Variants in SLC9C2 observed in about 807,000 individuals in gnomAD.
SLC9C2 encodes solute carrier family 9 member C2 (putative), also known as sodium/hydrogen exchanger 11.
SLC9C2 carries 75 observed loss-of-function variants against 140.2 expected under a neutral mutation model. That is an observed-to-expected ratio of 0.53 (90% CI 0.44 to 0.65). The LOEUF (loss-of-function observed/expected upper bound fraction) is 0.65. Ranked by LOEUF, SLC9C2 falls within the 30% of genes least tolerant of loss-of-function variation. SLC9C2 has a pLI of 0.00. For missense variants in SLC9C2, 1,074 were observed against 1,331.8 expected, an observed-to-expected ratio of 0.81 and a Z score of 3.01; for synonymous variants, 375 against 420.9, an observed-to-expected ratio of 0.89 and a Z score of 1.34.
chr1:173,504,481 C>A (rs12078576), intron 26 of SLC9C2, among the ~76,000 whole-genome samples: 9,036 of 152,114 alleles, frequency 0.059, 886 homozygotes, highest in African/African-American at 0.2. Context: ...AATCCTCCCC[C>A]CAAAGCAACA....
In SLC9C2 at chr1:173,524,784, T is replaced by A; in HGVS notation, c.2509A>T (p.Asn837Tyr). 1 of 1,613,884 alleles carries A rather than the reference T, an allele frequency of 6.2e-7. No homozygotes were observed. The highest frequency in any genetic ancestry group is 8.5e-7 in the Non-Finnish European group (1 of 1,179,820). Reference sequence around the variant, plus strand: ...ACAGAATCAAGCAAAATTACCTTATTTATCTCAATGACTTCATGCTTATCA... The same window carrying A: ...ACAGAATCAAGCAAAATTACCTTATATATCTCAATGACTTCATGCTTATCA... The part of the protein sequence containing the change: ...IIDKHEVIEI[N>Y]KVLLKKLKAL... The change falls in exon 20 of 28, where the codon AAT becomes TAT. Residue 837 changes from asparagine (N) to tyrosine (Y), a missense_variant. By Grantham distance (143) the Asn-to-Tyr change is moderately radical. Transcript: ENST00000367714.
chr1:173,594,689 T>A (rs559727559), intron 4 of SLC9C2, among the ~76,000 whole-genome samples: 131 of 152,292 alleles, frequency 8.6e-4, no homozygotes, highest in African/African-American at 3.0e-3. Flanking sequence ...TGAGAAAGGA[T>A]AATTAAAGCA....
intron 4 of SLC9C2, among the ~76,000 whole-genome samples, chr1:173,593,331 C>A (rs1666275946): frequency 6.6e-6 from 1 of 152,052 alleles, no homozygotes; most frequent in Admixed American, 6.6e-5. Flanking sequence ...ACCAGCCTGG[C>A]CAACATGGTA....
intron 13 of SLC9C2, among the ~76,000 whole-genome samples, chr1:173,546,736 CT>C (rs1662877848): frequency 6.6e-6 from 1 of 152,110 alleles, no homozygotes; most frequent in African/African-American, 2.4e-5. Context: ...AAAACATAAA[CT>C]GTAAAAATAA....
intron 24 of SLC9C2, among the ~76,000 whole-genome samples, chr1:173,508,061 CTG>C (rs1331366561): frequency 1.3e-5 from 2 of 152,060 alleles, no homozygotes; most frequent in African/African-American, 2.4e-5. Context: ...ATCTCAGTCA[CTG>C]ACAGGTGAAT....
chr1:173,580,905 A>G (rs796935896), intron 7 of SLC9C2, among the ~76,000 whole-genome samples: 5 of 152,400 alleles, frequency 3.3e-5, no homozygotes, highest in African/African-American at 1.2e-4. Flanking sequence ...AGGAACTCAC[A>G]GTCTAGTAGA....
At chr1:173,565,789 C>A (rs533002092) in intron 9 of SLC9C2, among the ~76,000 whole-genome samples, 18 of 152,216 alleles carry the variant, frequency 1.2e-4, no homozygotes, top group African/African-American at 3.6e-4. Context: ...ATCTCTAGAT[C>A]ATTTTAGATA....
At chr1:173,573,483 G>T (rs1270846794) in intron 8 of SLC9C2, among the ~76,000 whole-genome samples, 158 bp from the exon 9 acceptor site, 2 of 152,084 alleles carry the variant, frequency 1.3e-5, no homozygotes, top group Admixed American at 1.3e-4. Context: ...AATTTTGTTG[G>T]ATCTAAAAGC....
intron 11 of SLC9C2, among the ~76,000 whole-genome samples, chr1:173,550,872 A>G (rs930887232): frequency 4.5e-4 from 39 of 86,482 alleles, no homozygotes; most frequent in African/African-American, 1.7e-3. Context: ...GAGCCGTTGA[A>G]AGAGAGAGAG....
intron 8 of SLC9C2, among the ~76,000 whole-genome samples, chr1:173,575,867 C>G (rs1461857345): frequency 6.6e-6 from 1 of 152,116 alleles, no homozygotes; most frequent in Non-Finnish European, 1.5e-5. Context: ...CGTGAGCCAC[C>G]GTGCCCGGCC....
chr1:173,598,741 G>T (rs1194176530), intron 3 of SLC9C2, among the ~76,000 whole-genome samples: 1 of 152,116 alleles, frequency 6.6e-6, no homozygotes, highest in East Asian at 1.9e-4. Flanking sequence ...TTAACTCAAG[G>T]GTTAATAAGC....
chr1:173,579,764 C>A (rs935990801), intron 7 of SLC9C2, among the ~76,000 whole-genome samples: 3 of 152,128 alleles, frequency 2.0e-5, no homozygotes, highest in African/African-American at 4.8e-5. Flanking sequence ...TGGCTATATA[C>A]CTGAATGAGC....
At chr1:173,509,442 C>T in intron 24 of SLC9C2, 126 bp downstream of exon 24, 3 of 823,428 alleles carry the variant, frequency 3.6e-6, no homozygotes, top group South Asian at 3.9e-5. Context: ...GAGCCTCTGT[C>T]TCAAAAAAAA....
intron 22 of SLC9C2, among the ~76,000 whole-genome samples, chr1:173,520,031 C>T (rs1455204763): frequency 6.6e-6 from 1 of 151,966 alleles, no homozygotes; most frequent in Non-Finnish European, 1.5e-5. Flanking sequence ...TCCTGTAATC[C>T]CAGCTACTTG....
At chr1:173,561,745 A>G (rs1303502950) in intron 9 of SLC9C2, among the ~76,000 whole-genome samples, 2 of 152,058 alleles carry the variant, frequency 1.3e-5, no homozygotes, top group Non-Finnish European at 2.9e-5. Flanking sequence ...ATTGATGATC[A>G]CTGGTCCCTT....
intron 22 of SLC9C2, among the ~76,000 whole-genome samples, chr1:173,518,518 T>C (rs548448584): frequency 3.3e-5 from 5 of 152,296 alleles, no homozygotes; most frequent in African/African-American, 1.2e-4. Flanking sequence ...GAAAAGGTTT[T>C]AGGATGAACA....
chr1:173,577,973 C>T (rs1337902854), intron 7 of SLC9C2, among the ~76,000 whole-genome samples: 1 of 150,294 alleles, frequency 6.7e-6, no homozygotes, highest in African/African-American at 2.5e-5. Flanking sequence ...CTTTCAATTT[C>T]CAATTCTCTA....
At chr1:173,545,816 A>G (rs723122) in intron 13 of SLC9C2, among the ~76,000 whole-genome samples, 54,673 of 151,982 alleles carry the variant, frequency 0.36, 12,438 homozygotes, top group East Asian at 0.64. Context: ...AAGAGGTTGA[A>G]TCTATTGCCC....
chr1:173,564,171 T>TG (rs1243128924), intron 9 of SLC9C2, among the ~76,000 whole-genome samples: 1 of 152,192 alleles, frequency 6.6e-6, no homozygotes, highest in Admixed American at 6.5e-5. Flanking sequence ...AACATGGGAG[T>TG]GCAGATACTT....
Sources: allele counts gnomAD v4.1 joint callset (sites outside exome capture counted in the v4.1 genomes callset), GRCh38; gene constraint gnomAD v4.1.1; transcripts MANE v1.5; gene names NCBI Gene and HGNC (gene_info 2026-07-23, HGNC 2026-07-21).